PDE11A: variants seen among roughly 807,000 people sequenced by gnomAD.
PDE11A encodes phosphodiesterase 11A, also known as dual 3',5'-cyclic-AMP and -GMP phosphodiesterase 11A.
PDE11A carries 100 observed loss-of-function variants against 100.5 expected under a neutral mutation model. The observed-to-expected ratio is 1.00, with a 90% CI of 0.85 to 1.18. The LOEUF is 1.18. PDE11A is among the 50% of genes most tolerant of loss of function. PDE11A has a pLI of 0.00. For missense variants in PDE11A, 1,141 were observed against 1,152.6 expected, an observed-to-expected ratio of 0.99 and a Z score of 0.15; for synonymous variants, 381 against 420.8, an observed-to-expected ratio of 0.91 and a Z score of 1.16.
chr2:177,970,995 T>G (rs2085762200), intron 2 of PDE11A, among the ~76,000 whole-genome samples: 1 of 152,222 alleles, frequency 6.6e-6, no homozygotes, highest in Admixed American at 6.5e-5. Context: ...GCAAATGTAC[T>G]TACTATTGTT....
At chr2:177,631,541 A>G (rs373128433) in intron 19 of PDE11A, among the ~76,000 whole-genome samples, 14,493 of 25,916 alleles carry the variant, frequency 0.56, 5,268 homozygotes, top group East Asian at 0.74. Flanking sequence ...ATATATATAT[A>G]TATATACACA....
Position 177,817,938 on chromosome 2 carries a change from A to C in PDE11A, c.1577-13T>G, listed in dbSNP as rs1216830762. Reference sequence around the variant, plus strand: ...ACTTGAGCCACTCCTATGGGGAAAGAGTGGATTATGTGGTCATTTTTAGTA... The same window carrying C: ...ACTTGAGCCACTCCTATGGGGAAAGCGTGGATTATGTGGTCATTTTTAGTA... On this transcript the variant is annotated splice_polypyrimidine_tract_variant and intron_variant, in intron 7 of 19. Transcript: ENST00000286063. 4 of 1,307,532 alleles carry C rather than the reference A, an allele frequency of 3.1e-6. No homozygotes were observed. In the African/African-American group the frequency reaches 4.5e-5, roughly 15 times the overall value. 81.0% of individuals were successfully genotyped at this position (1,307,532 alleles called of 1,614,324 possible). A position where few individuals can be genotyped will look rare whatever the true frequency, so the allele number is the denominator to read the frequency against.
At chr2:177,861,670 A>C (rs1011802308) in intron 5 of PDE11A, among the ~76,000 whole-genome samples, 1 of 151,960 alleles carries the variant, frequency 6.6e-6, no homozygotes, top group Non-Finnish European at 1.5e-5. Context: ...TTAGATTTTA[A>C]AACTTACTTC....
chr2:177,679,950 G>GA (rs1016603191), intron 16 of PDE11A, among the ~76,000 whole-genome samples: 4 of 151,982 alleles, frequency 2.6e-5, no homozygotes, highest in Non-Finnish European at 5.9e-5. Context: ...AAGCATAGAG[G>GA]AAAAAAACTA....
intron 2 of PDE11A, among the ~76,000 whole-genome samples, chr2:177,946,019 C>A (rs1401665100): frequency 8.1e-5 from 12 of 147,674 alleles, no homozygotes; most frequent in Admixed American, 2.7e-4. Context: ...TCAGCCCCCC[C>A]ACCCGGCCAG....
chr2:177,707,916 C>G (rs765478421), intron 13 of PDE11A, among the ~76,000 whole-genome samples: 2 of 152,176 alleles, frequency 1.3e-5, no homozygotes, highest in Non-Finnish European at 2.9e-5. Context: ...TCTTGTTTTA[C>G]AGACACAATT....
chr2:177,770,129 G>A (rs1413731357), intron 9 of PDE11A, among the ~76,000 whole-genome samples: 1 of 152,138 alleles, frequency 6.6e-6, no homozygotes, highest in East Asian at 1.9e-4. Flanking sequence ...TTTTGTAAGA[G>A]GATTGTGCTT....
At chr2:177,948,710 C>T (rs2085472723) in intron 2 of PDE11A, among the ~76,000 whole-genome samples, 1 of 152,054 alleles carries the variant, frequency 6.6e-6, no homozygotes, top group African/African-American at 2.4e-5. Context: ...TTAGAATCAG[C>T]CTGGGCAACA....
chr2:177,941,384 C>T (rs1198540140), intron 2 of PDE11A, among the ~76,000 whole-genome samples: 1 of 152,196 alleles, frequency 6.6e-6, no homozygotes, highest in East Asian at 1.9e-4. Flanking sequence ...CCTTCCACAT[C>T]TTTTCCACCT....
intron 15 of PDE11A, chr2:177,683,398 TATC>T (rs1258519511): frequency 6.6e-6 from 1 of 152,286 alleles, no homozygotes; most frequent in African/African-American, 2.4e-5. Flanking sequence ...ATAACTTTCT[TATC>T]TTCTTCACTT....
intron 2 of PDE11A, among the ~76,000 whole-genome samples, chr2:177,930,021 T>C (rs2085184512): frequency 6.6e-6 from 1 of 152,238 alleles, no homozygotes; most frequent in Admixed American, 6.5e-5. Context: ...GTGTGGGCTG[T>C]TCATTTTGTC....
intron 2 of PDE11A, among the ~76,000 whole-genome samples, chr2:177,951,663 G>A (rs2085506713): frequency 6.6e-6 from 1 of 152,150 alleles, no homozygotes; most frequent in African/African-American, 2.4e-5. Context: ...ATGCAAGTGG[G>A]ATATGTGACA....
chr2:178,068,915 G>A (rs1040559462), intron 1 of PDE11A, among the ~76,000 whole-genome samples: 2 of 152,188 alleles, frequency 1.3e-5, no homozygotes, highest in African/African-American at 4.8e-5. Flanking sequence ...ATTTTAAGTA[G>A]AGAATGGAAG....
intron 10 of PDE11A, among the ~76,000 whole-genome samples, chr2:177,762,128 C>A (rs2082178935): frequency 6.6e-6 from 1 of 152,044 alleles, no homozygotes; most frequent in African/African-American, 2.4e-5. Context: ...GTTTGGAAGG[C>A]AGAATGGACG....
intron 2 of PDE11A, among the ~76,000 whole-genome samples, chr2:178,103,245 T>C (rs1473694481): frequency 6.6e-6 from 1 of 152,154 alleles, no homozygotes; most frequent in Non-Finnish European, 1.5e-5. Flanking sequence ...GAAAACATTA[T>C]GCTAAGTGAA....
At chr2:178,072,864 G>GGAGC, upstream of PDE11A, 2 of 1,149,820 alleles carry the variant, frequency 1.7e-6, no homozygotes, top group Middle Eastern at 4.0e-4. Flanking sequence ...AGAAGAGGAG[G>GGAGC]GAGCCGCGGA....
intron 2 of PDE11A, among the ~76,000 whole-genome samples, chr2:177,971,147 G>A (rs2085764577): frequency 6.6e-6 from 1 of 152,150 alleles, no homozygotes; most frequent in Admixed American, 6.5e-5. Flanking sequence ...AAACATTGCT[G>A]TATAGAAAAA....
intron 2 of PDE11A, among the ~76,000 whole-genome samples, chr2:177,906,701 T>C (rs1301331264): frequency 6.6e-6 from 1 of 152,082 alleles, no homozygotes; most frequent in Non-Finnish European, 1.5e-5. Flanking sequence ...CCCCCTACTC[T>C]CCCCTTTCTT....
chr2:178,087,679 A>G (rs1482255847), intron 2 of PDE11A, among the ~76,000 whole-genome samples: 2 of 152,222 alleles, frequency 1.3e-5, no homozygotes, highest in Non-Finnish European at 2.9e-5. Flanking sequence ...CTTCACCACT[A>G]TGTAATCTAT....
Sources: allele counts gnomAD v4.1 joint callset (sites outside exome capture counted in the v4.1 genomes callset), GRCh38; gene constraint gnomAD v4.1.1; transcripts MANE v1.5; gene names NCBI Gene and HGNC (gene_info 2026-07-23, HGNC 2026-07-21).